PLEKHG5: variants seen among roughly 807,000 people sequenced by gnomAD.
The protein encoded by PLEKHG5 is pleckstrin homology and RhoGEF domain containing G5, also known as pleckstrin homology domain-containing family G member 5.
PLEKHG5 carries 52 observed loss-of-function variants against 103.8 expected under a neutral mutation model. The ratio of observed to expected loss-of-function variants is 0.50; its 90% CI spans 0.40 to 0.63. The LOEUF (loss-of-function observed/expected upper bound fraction) is 0.63. PLEKHG5 is among the 30% of genes least tolerant of loss of function. The pLI, the probability that PLEKHG5 is intolerant of heterozygous loss-of-function variation, is 0.00. For synonymous variants in PLEKHG5, 592 were observed against 575.5 expected (o/e 1.03, Z -0.41); for missense variants, 1,205 against 1,347.6 (o/e 0.89, Z 1.66).
intron 13 of PLEKHG5, 42 bp downstream of exon 13, chr1:6,470,948 C>T (rs1644556584): frequency 3.3e-6 from 5 of 1,505,072 alleles, no homozygotes; most frequent in Admixed American, 1.9e-5. Context: ...CGTCCAGGGT[C>T]CCGTCCTCCT....
intron 11 of PLEKHG5, 29 bp from the exon 12 acceptor site, chr1:6,471,666 ACGCCCCTCCGCCAGGTTAGCCC>A: frequency 6.4e-7 from 1 of 1,568,120 alleles, no homozygotes; most frequent in Admixed American, 1.9e-5. Flanking sequence ...GCGGTTGGCC[ACGCCCCTCCGCCAGGTTAGCCC>A]CGCCCCAGGT....
chr1:6,474,689 G>A, intron 5 of PLEKHG5, 102 bp from the exon 6 acceptor site: 1 of 1,116,386 alleles, frequency 9.0e-7, no homozygotes, highest in South Asian at 1.3e-5. Flanking sequence ...AGCCCCAGCT[G>A]CCCCCACCTT....
At chr1:6,514,004 G>T (rs973345544) in intron 1 of PLEKHG5, among the ~76,000 whole-genome samples, 1 of 152,164 alleles carries the variant, frequency 6.6e-6, no homozygotes, top group African/African-American at 2.4e-5. Context: ...GTTCTGCCTG[G>T]ATCCTGTTCA....
intron 2 of PLEKHG5, 81 bp downstream of exon 2, chr1:6,477,448 G>A (rs1455292777): frequency 6.5e-6 from 9 of 1,388,754 alleles, no homozygotes; most frequent in Admixed American, 3.4e-5. Flanking sequence ...TCCTTATGAC[G>A]CCCTAGCACG....
rs141003864 is a variant in PLEKHG5, at chr1:6,507,772, G to A, written c.-164-11203C>T. ...TATGCCTGCCTGGCCGGCCCCTCCC[G>A]CGCCGGCACGGGGCCAGGGAGGACA... On this transcript the variant is annotated intron_variant, in intron 1 of 21. Transcript: ENST00000377740. 6.1e-3 allele frequency among the ~76,000 whole-genome samples: 922 copies of A among 152,260 alleles called. 9 individuals carry two copies. Among genetic ancestry groups the A allele is most frequent in the African/African-American group, 0.021 (890 of 41,560 alleles).
chr1:6,516,733 G>T (rs1638624325), intron 1 of PLEKHG5, among the ~76,000 whole-genome samples: 1 of 141,280 alleles, frequency 7.1e-6, no homozygotes, highest in African/African-American at 2.6e-5. Context: ...ATATATATGT[G>T]TGTATATATA....
chr1:6,516,614 A>G (rs1437499366), intron 1 of PLEKHG5, among the ~76,000 whole-genome samples: 3 of 151,946 alleles, frequency 2.0e-5, no homozygotes, highest in East Asian at 3.9e-4. Flanking sequence ...CCGAGATCAC[A>G]CCACTGCACT....
At chr1:6,496,915 T>TGG, upstream of PLEKHG5, 1 of 1,463,002 alleles carries the variant, frequency 6.8e-7, no homozygotes, top group Non-Finnish European at 9.0e-7. Context: ...GCAGGGCTGC[T>TGG]GGGGGGAAGG....
rs1307236659 is a variant in PLEKHG5 at position 6,490,225 on chromosome 1, G to A, written c.-88+1412C>T. On this transcript the variant is annotated intron_variant, in intron 1 of 20. Transcript: ENST00000377728. The surrounding 1 kb of genome is among the most constrained non-coding windows in gnomAD (Gnocchi z 8.0). ...ATAGACTCCTCACGGCCCTATCTCC[G>A]AGCCGACCCACCCTAGAGACACTGT... 6.6e-6 allele frequency among the ~76,000 whole-genome samples: 1 copy of A among 152,062 alleles called. No individual in the cohort carries two copies. Among genetic ancestry groups the A allele is most frequent in the Non-Finnish European group, 1.5e-5 (1 of 68,004 alleles).
chr1:6,514,704 C>A (rs1325155266), intron 1 of PLEKHG5, among the ~76,000 whole-genome samples: 1 of 144,684 alleles, frequency 6.9e-6, no homozygotes, highest in African/African-American at 2.6e-5. Context: ...GAGGTTGCAG[C>A]GAGCCGAGAT....
intron 1 of PLEKHG5, chr1:6,485,493 A>G (rs1645009530): frequency 5.6e-6 from 7 of 1,239,872 alleles, no homozygotes; most frequent in Non-Finnish European, 5.0e-6. Flanking sequence ...CAAAGCGCGG[A>G]GCCCCGCTTC....
chr1:6,482,525 G>A (rs1457575759), intron 1 of PLEKHG5, among the ~76,000 whole-genome samples: 1 of 152,066 alleles, frequency 6.6e-6, no homozygotes, highest in African/African-American at 2.4e-5. Flanking sequence ...AGCCACACTG[G>A]GGGCATTACA....
At position 6,474,070 on chromosome 1, in the gene PLEKHG5, C is replaced by G; in HGVS notation, c.534G>C (p.Gly178=). The change falls in exon 7 of 21, where the codon GGG becomes GGC. Residue 178 remains glycine (G), a synonymous_variant. Coordinates refer to ENST00000377728, the MANE Select transcript of PLEKHG5 (RefSeq NM_020631.6). ...SLPILRPAGT[G]PPALERVDAQ... ...CGTCCACACGCTCCAGGGCGGGGGG[C>G]CCGGTCCCAGCTGGCCGCAGAATCG... The G allele has an allele frequency of 1.9e-6, 3 of 1,582,082 alleles. No homozygotes were observed. The highest frequency in any genetic ancestry group is 2.6e-6 in the Non-Finnish European group (3 of 1,161,714).
chr1:6,477,766 C>G, intron 1 of PLEKHG5, 108 bp from the exon 2 acceptor site: 1 of 1,219,110 alleles, frequency 8.2e-7, no homozygotes, highest in South Asian at 1.3e-5. Context: ...ATCTCTCGAT[C>G]CAGGGTGAGG....
intron 16 of PLEKHG5, 140 bp from the exon 17 acceptor site, chr1:6,469,816 GAGGA>G: frequency 1.4e-6 from 1 of 738,066 alleles, no homozygotes; most frequent in East Asian, 2.6e-5. Flanking sequence ...TTAAAATGAA[GAGGA>G]AGATGATTCT....
At chr1:6,510,243 G>A (rs1227541538) in intron 1 of PLEKHG5, among the ~76,000 whole-genome samples, 1 of 152,194 alleles carries the variant, frequency 6.6e-6, no homozygotes, top group Non-Finnish European at 1.5e-5. Flanking sequence ...TCCTGTCTCT[G>A]TTCTTCTGGC....
At position 6,486,241 on chromosome 1, in the gene PLEKHG5, TG is replaced by T. The variant is rs1645035099; in HGVS notation, c.-88+5395del. Among the ~76,000 whole-genome samples the T allele has an allele frequency of 6.6e-6, 1 of 151,842 alleles. No individual in the cohort carries two copies. On this transcript the variant is annotated intron_variant, in intron 1 of 20. Transcript: ENST00000377728. The surrounding 1 kb of genome is among the most constrained non-coding windows in gnomAD (Gnocchi z 5.3). ...AGGCACCAGAAGGGGGAGGCCAGGA[TG>T]GGGCACACTCCCCTCAGGGTCCTTG... is the stretch of plus-strand genomic sequence containing the variant.
intron 1 of PLEKHG5, among the ~76,000 whole-genome samples, chr1:6,485,035 T>A (rs1489365115): frequency 6.6e-6 from 1 of 152,024 alleles, no homozygotes; most frequent in Admixed American, 6.5e-5. Flanking sequence ...CGGCCCAGCA[T>A]AGGGCCCGGG....
rs2148633413 is a variant in PLEKHG5, at chr1:6,505,575, A to G, written c.-164-9006T>C. On this transcript the variant is annotated intron_variant, in intron 1 of 21. Transcript: ENST00000377740. This position sits in a 1 kb window ranked among gnomAD's most constrained non-coding sequence, Gnocchi z 4.2. ...TCATCCTGCCTCTTCAGGGGCTTAAACTCCCTGTACCTCTGTTTCCTCATC... is the reference window on the plus strand; with the variant it reads ...TCATCCTGCCTCTTCAGGGGCTTAAGCTCCCTGTACCTCTGTTTCCTCATC... Among the ~76,000 whole-genome samples, 2 of 152,008 alleles carry G rather than the reference A, an allele frequency of 1.3e-5. 1 individual carries two copies. Among genetic ancestry groups the G allele is most frequent in the South Asian group, 4.2e-4 (2 of 4,786 alleles).
Sources: allele counts gnomAD v4.1 joint callset (sites outside exome capture counted in the v4.1 genomes callset), GRCh38; gene constraint gnomAD v4.1.1; non-coding constraint Gnocchi (gnomAD v3.1); transcripts MANE v1.5; gene names NCBI Gene and HGNC (gene_info 2026-07-23, HGNC 2026-07-21).